Variants in KCNIP4 observed in about 807,000 individuals in gnomAD.
The protein encoded by KCNIP4 is potassium voltage-gated channel interacting protein 4.
KCNIP4 carries 12 observed loss-of-function variants against 34.0 expected under a neutral mutation model. The observed-to-expected ratio is 0.35, with a 90% CI of 0.23 to 0.57. KCNIP4 has a LOEUF of 0.57. Ranked by LOEUF, KCNIP4 falls within the 20% of genes least tolerant of loss-of-function variation. The pLI, the probability that KCNIP4 is intolerant of heterozygous loss-of-function variation, is 0.83. For synonymous variants in KCNIP4, 124 were observed against 102.2 expected (o/e 1.21, Z -1.29); for missense variants, 238 against 311.7 (o/e 0.76, Z 1.78).
chr4:21,658,733 T>C (rs1034774396), intron 1 of KCNIP4, among the ~76,000 whole-genome samples: 1 of 151,954 alleles, frequency 6.6e-6, no homozygotes, highest in Non-Finnish European at 1.5e-5. Context: ...ACAACACACT[T>C]TGGTTTTGAT....
intron 1 of KCNIP4, among the ~76,000 whole-genome samples, chr4:21,250,880 T>C (rs1760650068): frequency 1.3e-5 from 2 of 150,348 alleles, no homozygotes; most frequent in South Asian, 4.2e-4. Context: ...ATATGTAATA[T>C]AAATATATAT....
chr4:21,826,700 C>A (rs762204608), intron 1 of KCNIP4, among the ~76,000 whole-genome samples: 2 of 152,010 alleles, frequency 1.3e-5, no homozygotes, highest in South Asian at 4.2e-4. Flanking sequence ...AATTACTCTC[C>A]TAAAACCCAA....
chr4:21,365,542 G>GA (rs1719688495), intron 1 of KCNIP4, among the ~76,000 whole-genome samples: 1 of 58,712 alleles, frequency 1.7e-5, no homozygotes, highest in Admixed American at 1.5e-4. Flanking sequence ...AGAAAGAAAA[G>GA]AAAAAGAAAA....
At chr4:21,813,005 G>C (rs1485433781) in intron 1 of KCNIP4, among the ~76,000 whole-genome samples, 1 of 152,106 alleles carries the variant, frequency 6.6e-6, no homozygotes. Context: ...CCTGTGCCTA[G>C]GTCCAGCTTG....
intron 8 of KCNIP4, among the ~76,000 whole-genome samples, chr4:20,730,557 A>T (rs1303851206): frequency 6.6e-6 from 1 of 152,152 alleles, no homozygotes; most frequent in Non-Finnish European, 1.5e-5. Flanking sequence ...GCAGTTCATG[A>T]AGATTGGAGG....
chr4:21,669,753 C>CAATT (rs1431414612), intron 1 of KCNIP4, among the ~76,000 whole-genome samples: 4 of 152,128 alleles, frequency 2.6e-5, no homozygotes, highest in African/African-American at 4.8e-5. Context: ...ACTCCATTAC[C>CAATT]AATTACCATA....
Position 20,830,615 on chromosome 4 carries a change from A to G in KCNIP4, c.288+19928T>C, listed in dbSNP as rs1392577650. 2.0e-5 allele frequency among the ~76,000 whole-genome samples: 3 copies of G among 152,302 alleles called. No individual in the cohort carries two copies. In the East Asian group the frequency reaches 5.8e-4, roughly 29 times the overall value. On this transcript the variant is annotated intron_variant, in intron 3 of 8. Transcript: ENST00000382152. The stretch of plus-strand genomic sequence containing the variant: ...TTTCTAAACTTTTTGGTATTTTATA[A>G]TTACTCTGCCAAAAAATGACATGCA...
intron 1 of KCNIP4, among the ~76,000 whole-genome samples, chr4:20,905,509 CTTTTTTT>C (rs10686415): frequency 1.4e-5 from 1 of 72,804 alleles, no homozygotes; most frequent in African/African-American, 4.6e-5. Context: ...CGTTTTCTTT[CTTTTTTT>C]TTTTTTTTTG....
At chr4:21,649,402 G>T (rs982162123) in intron 1 of KCNIP4, among the ~76,000 whole-genome samples, 1 of 152,074 alleles carries the variant, frequency 6.6e-6, no homozygotes, top group Non-Finnish European at 1.5e-5. Context: ...ACATACTGAT[G>T]CTATAAGAAA....
At chr4:21,261,076 G>T (rs559255048) in intron 1 of KCNIP4, among the ~76,000 whole-genome samples, 3 of 152,050 alleles carry the variant, frequency 2.0e-5, no homozygotes, top group East Asian at 1.9e-4. Flanking sequence ...TTTAACAGCC[G>T]GTTTTGGAGT....
At chr4:21,045,698 T>G (rs2149785254) in intron 1 of KCNIP4, among the ~76,000 whole-genome samples, 1 of 152,304 alleles carries the variant, frequency 6.6e-6, no homozygotes, top group Admixed American at 6.5e-5. Context: ...CAGTACATAT[T>G]TTATTTATTA....
At position 21,234,070 on chromosome 4, in the gene KCNIP4, A is replaced by ATATAACATATATAAC. The variant is rs1163875941; in HGVS notation, c.62-351362_62-351361insGTTATATATGTTATA. Among the ~76,000 whole-genome samples the ATATAACATATATAAC allele has an allele frequency of 1.7e-4, 18 of 105,366 alleles. 8 individuals carry two copies. The highest frequency in any genetic ancestry group is 1.1e-3 in the African/African-American group (18 of 16,348). The allele number at this position is 105,366 out of a possible 152,430, so 69.1% of individuals were successfully genotyped here. On this transcript the variant is annotated intron_variant, in intron 1 of 8. Coordinates refer to ENST00000382152, the MANE Select transcript of KCNIP4 (RefSeq NM_025221.6). ...ATATAACACATAACATATATAACAT[A>ATATAACATATATAAC]ACATAACATATAACGTATATTATAT...
At chr4:21,023,147 C>G (rs1327617332) in intron 1 of KCNIP4, among the ~76,000 whole-genome samples, 1 of 151,938 alleles carries the variant, frequency 6.6e-6, no homozygotes, top group Non-Finnish European at 1.5e-5. Flanking sequence ...AAATGAATGC[C>G]TCAGGAAAGG....
intron 1 of KCNIP4, among the ~76,000 whole-genome samples, chr4:21,558,082 T>G (rs1739220590): frequency 6.6e-6 from 1 of 152,148 alleles, no homozygotes; most frequent in African/African-American, 2.4e-5. Context: ...TGGCCAGCAG[T>G]GTTGGTAGCC....
intron 1 of KCNIP4, among the ~76,000 whole-genome samples, chr4:21,081,808 A>G (rs1038285414): frequency 2.6e-5 from 4 of 151,792 alleles, no homozygotes; most frequent in African/African-American, 9.7e-5. Context: ...GAATTCTGAG[A>G]GAGTAATTAA....
chr4:20,749,875 C>A, intron 4 of KCNIP4, 143 bp from the exon 5 acceptor site: 3 of 540,638 alleles, frequency 5.5e-6, no homozygotes, highest in Non-Finnish European at 9.8e-6. Context: ...TGCTTACCCT[C>A]TTTCTGTAGA....
At position 21,520,456 on chromosome 4, in the gene KCNIP4, T is replaced by G. The variant is rs1433851322; in HGVS notation, c.61+428115A>C. Among the ~76,000 whole-genome samples, 4 of 152,196 alleles carry G rather than the reference T, an allele frequency of 2.6e-5. No individual in the cohort carries two copies. The East Asian group carries it at 7.7e-4, about 29-fold the overall frequency. On this transcript the variant is annotated intron_variant, in intron 1 of 8. Coordinates refer to ENST00000382152, the MANE Select transcript of KCNIP4 (RefSeq NM_025221.6). Reference sequence around the variant, plus strand: ...TCACACAGCTAAGAATTAGTGCAGCTGGGATTTGAACCCAGGTGACCTCAT... The same window carrying G: ...TCACACAGCTAAGAATTAGTGCAGCGGGGATTTGAACCCAGGTGACCTCAT...
At chr4:21,132,528 G>A (rs1338279513) in intron 1 of KCNIP4, among the ~76,000 whole-genome samples, 2 of 152,098 alleles carry the variant, frequency 1.3e-5, no homozygotes, top group African/African-American at 2.4e-5. Flanking sequence ...TCTCTCAGAG[G>A]TGTCTTGGTT....
In KCNIP4 at chr4:21,792,000, C is replaced by CAAAAAAAAAAA. The variant is rs71193407; in HGVS notation, c.61+156560_61+156570dup. 6.5e-4 allele frequency among the ~76,000 whole-genome samples: 39 copies of CAAAAAAAAAAA among 59,750 alleles called. 2 individuals are homozygous for CAAAAAAAAAAA. The highest frequency in any genetic ancestry group is 2.8e-3 in the African/African-American group (37 of 13,114). The allele number at this position is 59,750 out of a possible 152,430, so 39.2% of individuals were successfully genotyped here. On this transcript the variant is annotated intron_variant, in intron 1 of 8. Transcript: ENST00000382152. ...CTGGTGACAGAATGAGACTCCGTCT[C>CAAAAAAAAAAA]AAAAAAAAAAAAAAAAAAAAAAAAA...
Sources: gnomAD v4.1 joint callset for allele counts (sites outside exome capture counted in the v4.1 genomes callset) on GRCh38, gnomAD v4.1.1 for gene constraint, MANE v1.5 for transcripts, NCBI Gene and HGNC (gene_info 2026-07-23, HGNC 2026-07-21) for gene names.